FRMD4A: variants seen among roughly 807,000 people sequenced by gnomAD.
FRMD4A encodes FERM domain-containing protein 4A.
A neutral mutation model predicts 129.1 loss-of-function variants in FRMD4A; 29 were observed. The observed-to-expected ratio is 0.22, with a 90% CI of 0.17 to 0.31. The LOEUF is 0.31. FRMD4A is among the 10% of genes least tolerant of loss of function. The probability of loss-of-function intolerance (pLI) is 1.00; values close to 1 mark genes in which losing one functional copy is unlikely to be tolerated. For missense variants in FRMD4A, 1,272 were observed against 1,375.8 expected (o/e 0.92, Z 1.19); for synonymous variants, 634 against 571.6 (o/e 1.11, Z -1.56).
intron 5 of FRMD4A, among the ~76,000 whole-genome samples, chr10:13,795,858 T>C (rs933379432): frequency 6.6e-6 from 1 of 152,230 alleles, no homozygotes; most frequent in African/African-American, 2.4e-5. Flanking sequence ...TAAGTCCTGT[T>C]GTCTTCATAA....
intron 12 of FRMD4A, among the ~76,000 whole-genome samples, chr10:13,731,308 T>A (rs2135021383): frequency 6.6e-6 from 1 of 152,148 alleles, no homozygotes; most frequent in South Asian, 2.1e-4. Flanking sequence ...AGGACTGAAG[T>A]AGATTTACTG....
At chr10:13,655,348 T>C (rs1158664362) in intron 22 of FRMD4A, 1 of 152,110 alleles carries the variant, frequency 6.6e-6, no homozygotes, top group Non-Finnish European at 1.5e-5. Flanking sequence ...GTTGGAGATA[T>C]TTACAAAACG....
At chr10:14,023,769 C>T (rs369727035) in intron 2 of FRMD4A, among the ~76,000 whole-genome samples, 3 of 152,310 alleles carry the variant, frequency 2.0e-5, no homozygotes, top group South Asian at 4.1e-4. Context: ...ATAGAAGTGT[C>T]CTTGTCAGCT....
At chr10:14,116,707 C>G (rs186389566) in intron 2 of FRMD4A, among the ~76,000 whole-genome samples, 3 of 152,278 alleles carry the variant, frequency 2.0e-5, no homozygotes, top group Admixed American at 1.3e-4. Flanking sequence ...AAAATACTTG[C>G]CCAGTCCCCT....
intron 8 of FRMD4A, among the ~76,000 whole-genome samples, chr10:13,748,068 G>C (rs2091380746): frequency 6.6e-6 from 1 of 152,178 alleles, no homozygotes; most frequent in Non-Finnish European, 1.5e-5. Context: ...AGATGGCCAG[G>C]GGTGTCTTCC....
intron 2 of FRMD4A, among the ~76,000 whole-genome samples, chr10:14,140,968 C>G (rs1476219341): frequency 6.6e-6 from 1 of 152,068 alleles, no homozygotes; most frequent in Admixed American, 6.6e-5. Context: ...TGTAGAAGGA[C>G]AGCAGAGATT....
intron 2 of FRMD4A, among the ~76,000 whole-genome samples, chr10:14,263,684 G>A (rs754469446): frequency 1.3e-5 from 2 of 152,110 alleles, no homozygotes; most frequent in Admixed American, 6.5e-5. Flanking sequence ...GGCCCTCTAA[G>A]CTCCTTCGTG....
intron 2 of FRMD4A, among the ~76,000 whole-genome samples, chr10:13,977,861 T>G (rs2095547473): frequency 6.6e-6 from 1 of 152,262 alleles, no homozygotes; most frequent in African/African-American, 2.4e-5. Flanking sequence ...TTTGATTATG[T>G]GGAAAGACCA....
chr10:13,901,873 A>C (rs1051562086), intron 2 of FRMD4A, among the ~76,000 whole-genome samples: 1 of 152,118 alleles, frequency 6.6e-6, no homozygotes, highest in Non-Finnish European at 1.5e-5. Context: ...GGAGGCAATG[A>C]TTTCTCCTGC....
chr10:13,931,149 G>T (rs376602646), intron 2 of FRMD4A, among the ~76,000 whole-genome samples: 4 of 152,160 alleles, frequency 2.6e-5, no homozygotes, highest in Non-Finnish European at 5.9e-5. Context: ...GAGCCATAAA[G>T]AGGTCAGGGG....
intron 2 of FRMD4A, among the ~76,000 whole-genome samples, chr10:13,965,025 T>C (rs78533995): frequency 0.031 from 4,733 of 151,564 alleles, 195 homozygotes; most frequent in East Asian, 0.12. Flanking sequence ...TCTGTTAAAT[T>C]TCCTCTTTTG....
chr10:14,045,206 G>T (rs149155005), intron 2 of FRMD4A, among the ~76,000 whole-genome samples: 2 of 152,032 alleles, frequency 1.3e-5, no homozygotes, highest in Non-Finnish European at 2.9e-5. Flanking sequence ...TGGTCCTTCT[G>T]CCATCATGAC....
intron 2 of FRMD4A, among the ~76,000 whole-genome samples, chr10:14,280,193 G>A (rs1351371877): frequency 2.5e-4 from 38 of 152,180 alleles, no homozygotes; most frequent in Non-Finnish European, 1.6e-4. Context: ...AAGCGGATGG[G>A]GGCAGAGTGG....
At chr10:14,274,806 T>A (rs1197148157) in intron 2 of FRMD4A, among the ~76,000 whole-genome samples, 1 of 152,170 alleles carries the variant, frequency 6.6e-6, no homozygotes, top group Non-Finnish European at 1.5e-5. Flanking sequence ...ACCCGGCAAG[T>A]CCCTGACTTA....
At chr10:14,230,753 T>C (rs1437862660) in intron 2 of FRMD4A, among the ~76,000 whole-genome samples, 2 of 152,194 alleles carry the variant, frequency 1.3e-5, no homozygotes, top group Non-Finnish European at 2.9e-5. Context: ...CAGTATCCGA[T>C]AGGTAGCTTT....
At chr10:14,329,873 T>G (rs983236009) in intron 2 of FRMD4A, among the ~76,000 whole-genome samples, 185 bp downstream of exon 2, 1 of 152,212 alleles carries the variant, frequency 6.6e-6, no homozygotes, top group African/African-American at 2.4e-5. Flanking sequence ...CTACAGCTTC[T>G]TTTCCCTGCA....
chr10:13,915,016 AAAC>A (rs1210653608), intron 2 of FRMD4A, among the ~76,000 whole-genome samples: 21 of 152,298 alleles, frequency 1.4e-4, no homozygotes, highest in Admixed American at 1.2e-3. Flanking sequence ...CTGGCCTCGA[AAAC>A]AACAATAACA....
In FRMD4A at chr10:13,943,646, C is replaced by CAAAAAAAAAAA. The variant is rs55774636; in HGVS notation, c.46-84745_46-84735dup. ...CTGGCGACAGAGCAAGACTCTGTCT[C>CAAAAAAAAAAA]AAAAAAAAAAAAAAAAAAAAAAAAA... is the stretch of plus-strand genomic sequence containing the variant. On this transcript the variant is annotated intron_variant, in intron 2 of 24. Coordinates refer to ENST00000357447, the MANE Select transcript of FRMD4A (RefSeq NM_018027.5). Among the ~76,000 whole-genome samples, 9 of 58,264 alleles carry CAAAAAAAAAAA rather than the reference C, an allele frequency of 1.5e-4. 1 individual carries two copies. The highest frequency in any genetic ancestry group is 2.7e-4 in the Admixed American group (1 of 3,744). The allele number at this position is 58,264 out of a possible 152,430, so 38.2% of individuals were successfully genotyped here.
chr10:13,904,418 T>A (rs2094857255), intron 2 of FRMD4A, among the ~76,000 whole-genome samples: 1 of 152,134 alleles, frequency 6.6e-6, no homozygotes, highest in Non-Finnish European at 1.5e-5. Context: ...GAGGTTCCCC[T>A]CTCCCATGCC....
Sources: allele counts gnomAD v4.1 joint callset (sites outside exome capture counted in the v4.1 genomes callset), GRCh38; gene constraint gnomAD v4.1.1; transcripts MANE v1.5; gene names NCBI Gene and HGNC (gene_info 2026-07-23, HGNC 2026-07-21).